Variants in OIT3 observed in about 807,000 individuals in gnomAD.
OIT3 encodes oncoprotein induced transcript 3.
A neutral mutation model predicts 52.2 loss-of-function variants in OIT3; 41 were observed. That is an observed-to-expected ratio of 0.79 (90% CI 0.61 to 1.02). The LOEUF is 1.02. OIT3 is among the 50% of genes least tolerant of loss of function. The probability of loss-of-function intolerance (pLI) is 0.00; values close to 1 mark genes in which losing one functional copy is unlikely to be tolerated. For missense variants in OIT3, 634 were observed against 715.5 expected, an observed-to-expected ratio of 0.89 and a Z score of 1.30; for synonymous variants, 244 against 276.9, an observed-to-expected ratio of 0.88 and a Z score of 1.18.
Position 72,906,735 on chromosome 10 carries a change from A to C in OIT3, c.667+17A>C. ...CTTGTGAAGGTGAGAATGGGCAAAAAGGGACCCAAATCAAGAGCCCAGAGG... is the reference window on the plus strand; with the variant it reads ...CTTGTGAAGGTGAGAATGGGCAAAACGGGACCCAAATCAAGAGCCCAGAGG... On this transcript the variant is annotated intron_variant, in intron 4 of 8. Coordinates refer to ENST00000334011, the MANE Select transcript of OIT3 (RefSeq NM_152635.3). 1 of 1,540,210 alleles carries C rather than the reference A, an allele frequency of 6.5e-7. No homozygotes were observed. Among genetic ancestry groups the C allele is most frequent in the Non-Finnish European group, 8.7e-7 (1 of 1,146,250 alleles).
chr10:72,906,011 C>T (rs1429694021), intron 3 of OIT3, among the ~76,000 whole-genome samples: 2 of 152,188 alleles, frequency 1.3e-5, no homozygotes, highest in African/African-American at 4.8e-5. Flanking sequence ...AAAGCATAGA[C>T]ATTTGCTGCC....
At chr10:72,910,330 C>T (rs528660089) in intron 4 of OIT3, among the ~76,000 whole-genome samples, 76 of 152,146 alleles carry the variant, frequency 5.0e-4, no homozygotes, top group Non-Finnish European at 1.0e-3. Context: ...TTTCAAAAGC[C>T]TCTAGGTGTG....
intron 5 of OIT3, among the ~76,000 whole-genome samples, chr10:72,912,525 C>T (rs901286874): frequency 6.6e-6 from 1 of 152,104 alleles, no homozygotes; most frequent in Non-Finnish European, 1.5e-5. Flanking sequence ...CCCTCCTTGG[C>T]TTCCCAAAGT....
At chr10:72,906,539 T>G in intron 3 of OIT3, 57 bp from the exon 4 acceptor site, 1 of 1,597,946 alleles carries the variant, frequency 6.3e-7, no homozygotes, top group South Asian at 1.1e-5. Flanking sequence ...GCCCGGGGGG[T>G]TGGGAAAAGG....
Position 72,932,673 on chromosome 10 carries a change from G to T in OIT3, c.*149G>T. ...CCAGCACCAACTCACTCTGATTCTG[G>T]TCCATTCAGTGGGCACAGGTCACAG... On this transcript the variant is annotated 3_prime_UTR_variant, in exon 9 of 9. Coordinates refer to ENST00000334011, the MANE Select transcript of OIT3 (RefSeq NM_152635.3). 2 of 665,072 alleles carry T rather than the reference G, an allele frequency of 3.0e-6. No individual in the cohort carries two copies. Among genetic ancestry groups the T allele is most frequent in the Non-Finnish European group, 5.0e-6 (2 of 401,600 alleles). The allele number at this position is 665,072 out of a possible 1,614,324, so 41.2% of individuals were successfully genotyped here.
intron 6 of OIT3, among the ~76,000 whole-genome samples, chr10:72,918,712 G>A (rs1201817936): frequency 6.6e-6 from 1 of 152,134 alleles, no homozygotes; most frequent in African/African-American, 2.4e-5. Flanking sequence ...TTCTGCATAT[G>A]GTTAGCCAGG....
intron 6 of OIT3, among the ~76,000 whole-genome samples, chr10:72,916,829 C>T (rs1378713167): frequency 6.6e-6 from 1 of 152,158 alleles, no homozygotes; most frequent in Non-Finnish European, 1.5e-5. Context: ...TCCACAACCT[C>T]ACCAGCATGT....
chr10:72,926,003 C>T (rs183178749), intron 7 of OIT3, among the ~76,000 whole-genome samples: 113 of 152,344 alleles, frequency 7.4e-4, no homozygotes, highest in Non-Finnish European at 1.0e-3. Context: ...GAGACCTAGT[C>T]CTTTTCATAG....
Position 72,932,564 on chromosome 10 carries a change from G to A in OIT3, c.*40G>A. On this transcript the variant is annotated 3_prime_UTR_variant, in exon 9 of 9. Transcript: ENST00000334011. ...TCGAGTCCCTGCATTGGACGGCTCTGCTCTTTGGAGCTTCTCCCCCCACCG... is the reference window on the plus strand; with the variant it reads ...TCGAGTCCCTGCATTGGACGGCTCTACTCTTTGGAGCTTCTCCCCCCACCG... 6.6e-7 allele frequency: 1 copy of A among 1,518,808 alleles called. No individual in the cohort carries two copies. The highest frequency in any genetic ancestry group is 8.9e-7 in the Non-Finnish European group (1 of 1,128,324). 94.1% of individuals were successfully genotyped at this position (1,518,808 alleles called of 1,614,324 possible). A position where few individuals can be genotyped will look rare whatever the true frequency, so the allele number is the denominator to read the frequency against.
chr10:72,908,191 C>A (rs1459896509), intron 4 of OIT3, among the ~76,000 whole-genome samples: 1 of 151,632 alleles, frequency 6.6e-6, no homozygotes, highest in Non-Finnish European at 1.5e-5. Context: ...TGCAGTGAGC[C>A]AAGATAGCGC....
intron 7 of OIT3, among the ~76,000 whole-genome samples, chr10:72,926,385 T>C (rs1476836280): frequency 6.6e-6 from 1 of 152,212 alleles, no homozygotes; most frequent in Non-Finnish European, 1.5e-5. Flanking sequence ...CTCTATTCCA[T>C]TCCTATTGTC....
intron 6 of OIT3, 91 bp from the exon 7 acceptor site, chr10:72,924,138 T>C: frequency 1.8e-6 from 2 of 1,123,896 alleles, no homozygotes; most frequent in Non-Finnish European, 2.5e-6. Context: ...TGTTTTGAGG[T>C]AGATAGAATG....
intron 6 of OIT3, among the ~76,000 whole-genome samples, chr10:72,921,970 C>A (rs959563492): frequency 6.6e-6 from 1 of 152,110 alleles, no homozygotes; most frequent in Non-Finnish European, 1.5e-5. Context: ...CTGCACCCAG[C>A]CAGTTAAAAT....
At chr10:72,917,673 G>A (rs1438598746) in intron 6 of OIT3, 10 of 896,042 alleles carry the variant, frequency 1.1e-5, no homozygotes, top group South Asian at 2.6e-5. Flanking sequence ...ATCTTGAATA[G>A]CCTCTTGGTC....
At position 72,918,440 on chromosome 10, in the gene OIT3, CT is replaced by C. The variant is rs1482294799; in HGVS notation, c.951+4974del. 1.2e-5 allele frequency: 10 copies of C among 845,232 alleles called. No homozygotes were observed. In the East Asian group the frequency reaches 2.4e-4, roughly 20 times the overall value. The allele number at this position is 845,232 out of a possible 1,614,324, so 52.4% of individuals were successfully genotyped here. A position where few individuals can be genotyped will look rare whatever the true frequency, so the allele number is the denominator to read the frequency against. ...GGTGCTCATCTTCATCATTATCCACCTTAAAGTGATCATCTTTGTCAGCCTT... is the reference window on the plus strand; with the variant it reads ...GGTGCTCATCTTCATCATTATCCACCTAAAGTGATCATCTTTGTCAGCCTT... On this transcript the variant is annotated intron_variant, in intron 6 of 8. Coordinates refer to ENST00000334011, the MANE Select transcript of OIT3 (RefSeq NM_152635.3).
chr10:72,929,390 G>A (rs11000453), intron 7 of OIT3, among the ~76,000 whole-genome samples: 1 of 151,538 alleles, frequency 6.6e-6, no homozygotes, highest in East Asian at 1.9e-4. Flanking sequence ...CTAGAATCTA[G>A]AATGGGAAAA....
chr10:72,923,433 A>G (rs928494624), intron 6 of OIT3, among the ~76,000 whole-genome samples: 3 of 152,152 alleles, frequency 2.0e-5, no homozygotes, highest in Non-Finnish European at 4.4e-5. Context: ...CCCAGCCAGG[A>G]AGAAAAGGAT....
chr10:72,932,855 G>A lies in OIT3; in HGVS notation c.*331G>A. 1 of 222,554 alleles carries A rather than the reference G, an allele frequency of 4.5e-6. No individual in the cohort carries two copies. The highest frequency in any genetic ancestry group is 8.7e-6 in the Non-Finnish European group (1 of 114,648). The allele number at this position is 222,554 out of a possible 1,614,324, so 13.8% of individuals were successfully genotyped here. A position where few individuals can be genotyped will look rare whatever the true frequency, so the allele number is the denominator to read the frequency against. On this transcript the variant is annotated 3_prime_UTR_variant, in exon 9 of 9. Coordinates refer to ENST00000334011, the MANE Select transcript of OIT3 (RefSeq NM_152635.3). ...ATCAGACCACAAAATCAGAAGCTGG[G>A]TATAATATTTCAAGTTACAAACCCT...
intron 6 of OIT3, among the ~76,000 whole-genome samples, chr10:72,914,397 A>G (rs1254760015): frequency 6.6e-6 from 1 of 152,212 alleles, no homozygotes; most frequent in African/African-American, 2.4e-5. Flanking sequence ...CTGGATCAGC[A>G]CGGAGGCCTT....
Sources: gnomAD v4.1 joint callset for allele counts (sites outside exome capture counted in the v4.1 genomes callset) on GRCh38, gnomAD v4.1.1 for gene constraint, MANE v1.5 for transcripts, NCBI Gene and HGNC (gene_info 2026-07-23, HGNC 2026-07-21) for gene names.